The following GSK3B variants were observed in gnomAD, a reference collection of about 807,000 sequenced individuals.
The protein encoded by GSK3B is glycogen synthase kinase 3 beta.
A neutral mutation model predicts 56.4 loss-of-function variants in GSK3B; 15 were observed. The observed-to-expected ratio is 0.27, with a 90% CI of 0.18 to 0.41. The LOEUF is 0.41. Ranked by LOEUF, GSK3B falls within the 10% of genes least tolerant of loss-of-function variation. GSK3B has a pLI of 1.00. For missense variants in GSK3B, 300 were observed against 513.4 expected (o/e 0.58, Z 4.02); for synonymous variants, 181 against 188.9 (o/e 0.96, Z 0.34).
chr3:119,829,665 T>A (rs1346707215), intron 10 of GSK3B, among the ~76,000 whole-genome samples: 1 of 152,268 alleles, frequency 6.6e-6, no homozygotes, highest in Non-Finnish European at 1.5e-5. Flanking sequence ...GCCTGTGAGC[T>A]TGTGACATTG....
At chr3:119,835,742 C>T (rs923806399) in intron 10 of GSK3B, among the ~76,000 whole-genome samples, 5 of 151,748 alleles carry the variant, frequency 3.3e-5, no homozygotes, top group African/African-American at 1.2e-4. Flanking sequence ...AAAGAGAAAA[C>T]AGGAAGAACA....
chr3:119,856,123 T>C (rs577604518), intron 9 of GSK3B, among the ~76,000 whole-genome samples: 2 of 152,382 alleles, frequency 1.3e-5, no homozygotes, highest in South Asian at 4.1e-4. Flanking sequence ...AATTCATTTT[T>C]ATAATTAAAA....
chr3:119,952,965 A>AT (rs1368802900), intron 2 of GSK3B, among the ~76,000 whole-genome samples: 5 of 152,156 alleles, frequency 3.3e-5, no homozygotes, highest in Admixed American at 6.5e-5. Flanking sequence ...CTATAGATAT[A>AT]TTTTTATTTC....
chr3:120,017,815 T>G (rs757066933), intron 1 of GSK3B, among the ~76,000 whole-genome samples: 23 of 152,222 alleles, frequency 1.5e-4, no homozygotes, highest in Admixed American at 4.6e-4. Context: ...ACTATGCAGA[T>G]AGCAGTCTGA....
intron 2 of GSK3B, among the ~76,000 whole-genome samples, chr3:119,954,222 G>GAGAATAGAAT (rs1262281777): frequency 0.014 from 1,419 of 101,418 alleles, 122 homozygotes; most frequent in East Asian, 0.026. Context: ...AGTGTGGAAG[G>GAGAATAGAAT]AGAATAGAAT....
chr3:119,936,369 C>T (rs1259826003), intron 3 of GSK3B, among the ~76,000 whole-genome samples: 11 of 139,628 alleles, frequency 7.9e-5, no homozygotes, highest in African/African-American at 3.0e-4. Flanking sequence ...TTTTTTGAGA[C>T]AAAGTCTCGC....
At chr3:119,835,394 A>C (rs997722880) in intron 10 of GSK3B, among the ~76,000 whole-genome samples, 1 of 152,206 alleles carries the variant, frequency 6.6e-6, no homozygotes, top group Non-Finnish European at 1.5e-5. Flanking sequence ...CAGAACAACA[A>C]AAACAAAAAA....
chr3:119,932,202 A>G (rs1193902301), intron 3 of GSK3B, among the ~76,000 whole-genome samples: 1 of 152,238 alleles, frequency 6.6e-6, no homozygotes, highest in African/African-American at 2.4e-5. Flanking sequence ...GATCCCCGCA[A>G]TAAGACATCA....
At chr3:120,073,828 A>G (rs533955272) in intron 1 of GSK3B, among the ~76,000 whole-genome samples, 12 of 152,342 alleles carry the variant, frequency 7.9e-5, no homozygotes, top group East Asian at 1.9e-4. Context: ...TGAAAATTAA[A>G]TAAGATACAA....
intron 1 of GSK3B, among the ~76,000 whole-genome samples, chr3:120,083,577 T>A (rs2058439993): frequency 6.6e-6 from 1 of 152,154 alleles, no homozygotes; most frequent in Admixed American, 6.5e-5. Context: ...AATGTGACTG[T>A]CACTTTGAAA....
In GSK3B at chr3:120,093,474, C is replaced by T. The variant is rs1486319194; in HGVS notation, c.-40G>A. The T allele has an allele frequency of 1.6e-6, 2 of 1,289,360 alleles. No homozygotes were observed. The highest frequency in any genetic ancestry group is 1.5e-5 in the African/African-American group (1 of 68,678). 79.9% of individuals were successfully genotyped at this position (1,289,360 alleles called of 1,614,324 possible). ...CGAATCACCTTTTCCTTCCTTCCTC[C>T]TTTTCTTCCTTTTGTCTTTATGTTG... On this transcript the variant is annotated 5_prime_UTR_variant, in exon 1 of 11. Coordinates refer to ENST00000264235, the MANE Select transcript of GSK3B (RefSeq NM_001146156.2).
At chr3:119,992,222 A>G (rs1384316896) in intron 2 of GSK3B, among the ~76,000 whole-genome samples, 2 of 152,122 alleles carry the variant, frequency 1.3e-5, no homozygotes, top group African/African-American at 4.8e-5. Context: ...AACATACTAT[A>G]AAGTCTCTAT....
intron 9 of GSK3B, among the ~76,000 whole-genome samples, chr3:119,852,091 C>T (rs747493537): frequency 6.6e-6 from 1 of 152,142 alleles, no homozygotes; most frequent in Non-Finnish European, 1.5e-5. Flanking sequence ...GAAAATCAGA[C>T]AAATAGTAAG....
intron 1 of GSK3B, among the ~76,000 whole-genome samples, chr3:120,028,242 A>C (rs2057944386): frequency 6.6e-6 from 1 of 152,236 alleles, no homozygotes; most frequent in Admixed American, 6.5e-5. Context: ...TCACTATGTG[A>C]CTGTCCATTT....
chr3:120,024,813 G>T (rs1225342311), intron 1 of GSK3B, among the ~76,000 whole-genome samples: 1 of 152,128 alleles, frequency 6.6e-6, no homozygotes, highest in Non-Finnish European at 1.5e-5. Context: ...GGTAGGGGGA[G>T]GAGGGAAGCA....
chr3:120,037,455 T>C (rs1462666280), intron 1 of GSK3B, among the ~76,000 whole-genome samples: 1 of 152,194 alleles, frequency 6.6e-6, no homozygotes, highest in African/African-American at 2.4e-5. Context: ...GAAGAACTTG[T>C]ATTCTTATTG....
At chr3:120,012,555 C>A (rs898822173) in intron 1 of GSK3B, among the ~76,000 whole-genome samples, 4 of 152,194 alleles carry the variant, frequency 2.6e-5, no homozygotes, top group African/African-American at 9.6e-5. Flanking sequence ...AGCATTAAAT[C>A]CCTACTCTTT....
At chr3:119,907,595 C>T (rs560517427) in intron 6 of GSK3B, among the ~76,000 whole-genome samples, 25 of 152,198 alleles carry the variant, frequency 1.6e-4, no homozygotes, top group Middle Eastern at 3.4e-3. Flanking sequence ...ATAGAAGGTA[C>T]CGGAAAAATA....
At chr3:119,876,739 G>C (rs971527145) in intron 7 of GSK3B, among the ~76,000 whole-genome samples, 2 of 152,158 alleles carry the variant, frequency 1.3e-5, no homozygotes, top group African/African-American at 4.8e-5. Flanking sequence ...TGGTAATTAG[G>C]TAATGGCTCT....
Sources: gnomAD v4.1 joint callset for allele counts (sites outside exome capture counted in the v4.1 genomes callset) on GRCh38, gnomAD v4.1.1 for gene constraint, MANE v1.5 for transcripts, NCBI Gene and HGNC (gene_info 2026-07-23, HGNC 2026-07-21) for gene names.